ZNF7: variants seen among roughly 807,000 people sequenced by gnomAD.
The protein encoded by ZNF7 is C2-H2 type zinc finger protein.
In ZNF7, 10 loss-of-function variants were observed where a neutral mutation model predicts 12.0. The observed-to-expected ratio is 0.83, with a 90% confidence interval of 0.51 to 1.42. ZNF7 has a LOEUF of 1.42. ZNF7 is among the 40% of genes most tolerant of loss of function. The pLI is 0.00. For missense variants in ZNF7, 854 were observed against 837.2 expected (o/e 1.02, Z -0.25); for synonymous variants, 334 against 295.0 (o/e 1.13, Z -1.35).
chr8:144,844,496 G>A (rs1041619609), downstream of ZNF7, among the ~76,000 whole-genome samples: 86 of 151,812 alleles, frequency 5.7e-4, no homozygotes, highest in African/African-American at 1.9e-3. Context: ...GGATCATGAG[G>A]TCAGGAGATG....
intron 3 of ZNF7, chr8:144,835,229 G>A (rs1392608374): frequency 1.3e-5 from 2 of 151,318 alleles, no homozygotes; most frequent in Non-Finnish European, 2.9e-5. Flanking sequence ...AAAGAGTTGG[G>A]GTTTTGCTCT....
chr8:144,829,578 A>G lies in ZNF7; in HGVS notation c.104A>G (p.Glu35Gly). ...QRALYREVML[E>G]NHSSVAGLAG... ...GCCCTCTACAGGGAAGTGATGCTGG[A>G]GAACCACAGCAGTGTGGCTGGACTA... Residue 35 changes from glutamate to glycine, a missense_variant, in exon 3 of 5, where the codon GAG (glutamate) becomes GGG (glycine). Transcript: ENST00000532777. 1 of 1,613,434 alleles carries G rather than the reference A, an allele frequency of 6.2e-7. No individual in the cohort carries two copies. The highest frequency in any genetic ancestry group is 8.5e-7 in the Non-Finnish European group (1 of 1,179,460).
chr8:144,844,983 T>C (rs1830433226), downstream of ZNF7, among the ~76,000 whole-genome samples: 2 of 151,242 alleles, frequency 1.3e-5, no homozygotes, highest in Non-Finnish European at 2.9e-5. Context: ...GCAGTGGGGG[T>C]AGACCAGCAG....
At chr8:144,829,257 C>T in intron 2 of ZNF7, 167 bp downstream of exon 2, 1 of 1,535,926 alleles carries the variant, frequency 6.5e-7, no homozygotes, top group Non-Finnish European at 8.8e-7. Flanking sequence ...CAAACCAGGG[C>T]CTAATTGAGG....
intron 3 of ZNF7, 41 bp downstream of exon 3, chr8:144,829,645 T>G: frequency 6.3e-7 from 1 of 1,575,716 alleles, no homozygotes; most frequent in Non-Finnish European, 8.6e-7. Flanking sequence ...GCATCATCAG[T>G]CAGCACCCAC....
At chr8:144,844,709 CAAAAAAAAA>C (rs71320849), downstream of ZNF7, among the ~76,000 whole-genome samples, 251 of 88,612 alleles carry the variant, frequency 2.8e-3, 1 homozygote, top group Non-Finnish European at 4.3e-3. Context: ...GACTCTGTAT[CAAAAAAAAA>C]AAAAAAAAAA....
chr8:144,842,206 T>C lies in ZNF7; in HGVS notation c.1099T>C (p.Cys367Arg). 6.2e-7 allele frequency: 1 copy of C among 1,613,560 alleles called. No homozygotes were observed. The highest frequency in any genetic ancestry group is 8.5e-7 in the Non-Finnish European group (1 of 1,179,908). ...TGERPYPCKE[C>R]GKAFSQSSTL... ...GGAGAGGCCCTACCCTTGCAAGGAG[T>C]GTGGGAAGGCCTTCAGCCAGAGCTC... The change falls in exon 5 of 5, where the codon TGT (cysteine) becomes CGT (arginine). Residue 367 changes from cysteine (C) to arginine (R), a missense_variant. Transcript: ENST00000532777.
Position 144,842,444 on chromosome 8 carries a change from G to C in ZNF7, c.1337G>C (p.Cys446Ser). ...GAGAAGCCTTATAAATGCAACAAGT[G>C]TACAAAAGCCTTTGGTTGTAGTTCA... ...TGEKPYKCNK[C>S]TKAFGCSSRL... The change falls in exon 5 of 5, where the codon TGT (cysteine) becomes TCT (serine). Residue 446 changes from cysteine to serine, a missense_variant. Cys to Ser is a moderately radical substitution (Grantham distance 112). Transcript: ENST00000532777. 2 of 1,614,132 alleles carry C rather than the reference G, an allele frequency of 1.2e-6. No individual in the cohort carries two copies. The highest frequency in any genetic ancestry group is 1.7e-6 in the Non-Finnish European group (2 of 1,180,024).
intron 2 of ZNF7, 56 bp from the exon 3 acceptor site, chr8:144,829,422 G>A (rs766756894): frequency 2.8e-5 from 45 of 1,609,342 alleles, no homozygotes; most frequent in Admixed American, 8.4e-5. Context: ...ATGAGGCAGC[G>A]CCAGAAGGGG....
In ZNF7 at chr8:144,842,994, T is replaced by C. The variant is rs749763735; in HGVS notation, c.1887T>C (p.Thr629=). Residue 629 remains threonine (T), a synonymous_variant, in exon 5 of 5, where the codon ACT becomes ACC. Transcript: ENST00000532777. Reference sequence around the variant, plus strand: ...TTGTGAGCCGTAAAAAGGTTAATACTATAAAGAAACTGCATCAGTGTGAAG... The same window carrying C: ...TTGTGAGCCGTAAAAAGGTTAATACCATAAAGAAACTGCATCAGTGTGAAG... ...STFVSRKKVN[T]IKKLHQCEDC... 6.2e-7 allele frequency: 1 copy of C among 1,614,204 alleles called. No homozygotes were observed. The highest frequency in any genetic ancestry group is 1.1e-5 in the South Asian group (1 of 91,080).
chr8:144,837,727 C>G (rs1228517931), intron 4 of ZNF7, among the ~76,000 whole-genome samples: 4 of 152,194 alleles, frequency 2.6e-5, no homozygotes. Context: ...ACACAAAAAC[C>G]CATGCATTTC....
downstream of ZNF7, chr8:144,846,892 G>T (rs1386677827): frequency 1.3e-5 from 2 of 152,120 alleles, no homozygotes; most frequent in African/African-American, 2.4e-5. Flanking sequence ...ATAGAGACGG[G>T]GTTTCACTGT....
chr8:144,842,480 G>C lies in ZNF7; in HGVS notation c.1373G>C (p.Arg458Pro). 1 of 1,613,960 alleles carries C rather than the reference G, an allele frequency of 6.2e-7. No homozygotes were observed. Among genetic ancestry groups the C allele is most frequent in the Non-Finnish European group, 8.5e-7 (1 of 1,180,004 alleles). ...KAFGCSSRLIRHQRTHTGEKP... is the reference protein window; with the variant it reads ...KAFGCSSRLIPHQRTHTGEKP... ...TTTGGTTGTAGTTCACGGCTTATTC[G>C]CCATCAGAGAACTCACACTGGAGAA... is the stretch of plus-strand genomic sequence containing the variant. Residue 458 changes from arginine to proline, a missense_variant, in exon 5 of 5, where the codon CGC becomes CCC. Transcript: ENST00000532777.
chr8:144,831,505 C>T lies in ZNF7; in HGVS notation c.130+1901C>T, dbSNP rs1222610873. On this transcript the variant is annotated intron_variant, in intron 3 of 4. Coordinates refer to ENST00000532777, the MANE Select transcript of ZNF7 (RefSeq NM_003416.4). ...TTTTATAAAAACACTATCTTAGGGC[C>T]GGGCGCGGTGGCTCATATCTGTAAT... Among the ~76,000 whole-genome samples the T allele has an allele frequency of 2.6e-5, 4 of 152,282 alleles. 1 individual carries two copies. The highest frequency in any genetic ancestry group is 4.1e-4 in the South Asian group (2 of 4,822).
In ZNF7 at chr8:144,842,158, A is replaced by G; in HGVS notation, c.1051A>G (p.Arg351Gly). ...KAFSQQSQLV[R>G]HQRTHTGERP... ...CTTCAGCCAGCAGTCGCAGCTGGTT[A>G]GACACCAGAGAACTCACACTGGGGA... The change falls in exon 5 of 5, where the codon AGA (arginine) becomes GGA (glycine). Residue 351 changes from arginine (R) to glycine (G), a missense_variant. Transcript: ENST00000532777. 6.2e-7 allele frequency: 1 copy of G among 1,613,610 alleles called. No homozygotes were observed. The highest frequency in any genetic ancestry group is 8.5e-7 in the Non-Finnish European group (1 of 1,179,848).
Position 144,842,689 on chromosome 8 carries a change from C to T in ZNF7, c.1582C>T (p.Leu528Phe), listed in dbSNP as rs748321934. The part of the protein sequence containing the change: ...IHKGEKPYEC[L>F]QCGKAFSMST... ...TAAAGGAGAGAAGCCCTACGAATGCCTCCAATGCGGAAAAGCCTTCAGTAT... is the reference window on the plus strand; with the variant it reads ...TAAAGGAGAGAAGCCCTACGAATGCTTCCAATGCGGAAAAGCCTTCAGTAT... Residue 528 changes from leucine to phenylalanine, a missense_variant, in exon 5 of 5, where the codon CTC (leucine) becomes TTC (phenylalanine). Coordinates refer to ENST00000532777, the MANE Select transcript of ZNF7 (RefSeq NM_003416.4). 4 of 1,613,966 alleles carry T rather than the reference C, an allele frequency of 2.5e-6. No individual in the cohort carries two copies. In the East Asian group the frequency reaches 8.9e-5, roughly 36 times the overall value.
chr8:144,842,591 A>C lies in ZNF7; in HGVS notation c.1484A>C (p.Lys495Thr), dbSNP rs1170444381. ...CATCAGCGAATCCACACTGGAGAGA[A>C]ACCCTATGTGTGTAATGACTGTGGA... is the stretch of plus-strand genomic sequence containing the variant. ...IQHQRIHTGEKPYVCNDCGKA... is the reference protein window; with the variant it reads ...IQHQRIHTGETPYVCNDCGKA... Residue 495 changes from lysine to threonine, a missense_variant, in exon 5 of 5, where the codon AAA (lysine) becomes ACA (threonine). Physicochemically the swap from Lys to Thr is moderately conservative, Grantham distance 78. Coordinates refer to ENST00000532777, the MANE Select transcript of ZNF7 (RefSeq NM_003416.4). The C allele has an allele frequency of 6.2e-7, 1 of 1,614,194 alleles. No individual in the cohort carries two copies. Among genetic ancestry groups the C allele is most frequent in the Non-Finnish European group, 8.5e-7 (1 of 1,180,036 alleles).
downstream of ZNF7, among the ~76,000 whole-genome samples, chr8:144,844,950 T>C (rs763691978): frequency 3.3e-5 from 5 of 150,470 alleles, no homozygotes; most frequent in Non-Finnish European, 7.4e-5. Flanking sequence ...GGAAAAACGA[T>C]GGTAGGGAAA....
chr8:144,843,799 T>C (rs1261012083), downstream of ZNF7: 1 of 152,180 alleles, frequency 6.6e-6, no homozygotes, highest in East Asian at 1.9e-4. Context: ...ATAATTTACC[T>C]AAACTCTTTT....
Sources: gnomAD v4.1 joint callset for allele counts (sites outside exome capture counted in the v4.1 genomes callset) on GRCh38, gnomAD v4.1.1 for gene constraint, MANE v1.5 for transcripts, NCBI Gene and HGNC (gene_info 2026-07-23, HGNC 2026-07-21) for gene names.